The following SZT2 variants were observed in gnomAD, a reference collection of about 807,000 sequenced individuals.
SZT2 encodes the protein SZT2 subunit of KICSTOR complex.
Under a neutral mutation model 404.2 loss-of-function variants are expected in SZT2, and 216 were observed. That is an observed-to-expected ratio of 0.53 (90% CI 0.48 to 0.60). The LOEUF (loss-of-function observed/expected upper bound fraction) is 0.60. Among genes scored for constraint, SZT2 ranks in the 20% least tolerant of loss-of-function variants. The probability of loss-of-function intolerance (pLI) is 0.00; values close to 1 mark genes in which losing one functional copy is unlikely to be tolerated. For synonymous variants in SZT2, 1,693 were observed against 1,749.9 expected (o/e 0.97, Z 0.81); for missense variants, 3,857 against 4,459.2 (o/e 0.86, Z 3.85).
Position 43,416,689 on chromosome 1 carries a change from A to C in SZT2, c.879+48A>C, listed in dbSNP as rs750501691. ...GAGAGAGATATGGAATATCTCACAC[A>C]AAGTTGGGATGGCTGATTACTTTCT... On this transcript the variant is annotated intron_variant, in intron 7 of 71. Transcript: ENST00000634258. 13 of 1,442,884 alleles carry C rather than the reference A, an allele frequency of 9.0e-6. No individual in the cohort carries two copies. The South Asian group carries it at 1.6e-4, about 17-fold the overall frequency. 89.4% of individuals were successfully genotyped at this position (1,442,884 alleles called of 1,614,324 possible). A position where few individuals can be genotyped will look rare whatever the true frequency, so the allele number is the denominator to read the frequency against.
At chr1:43,429,445 G>A (rs1481639855) in intron 28 of SZT2, 1 of 402,604 alleles carries the variant, frequency 2.5e-6, no homozygotes, top group African/African-American at 2.0e-5. Context: ...AGTGGTGATG[G>A]CGCCACTGCA....
In SZT2 at chr1:43,422,818, A is replaced by G; in HGVS notation, c.1972A>G (p.Lys658Glu). The G allele has an allele frequency of 6.3e-7, 1 of 1,594,266 alleles. No individual in the cohort carries two copies. Among genetic ancestry groups the G allele is most frequent in the Non-Finnish European group, 8.5e-7 (1 of 1,178,106 alleles). ...CTTCTACATGGTCCGTATCATTTCC[A>G]AGGCCCCATGCATGGTTCTTCGCCT... ...NSFYMVRIIS[K>E]APCMVLRLGF... The change falls in exon 14 of 72, where the codon AAG becomes GAG. Residue 658 changes from lysine to glutamate, a missense_variant. Transcript: ENST00000634258.
chr1:43,423,295 C>T lies in SZT2; in HGVS notation c.2234C>T (p.Pro745Leu). The change falls in exon 15 of 72, where the codon CCA becomes CTA. Residue 745 changes from proline to leucine, a missense_variant. By Grantham distance (98) the Pro-to-Leu change is moderately conservative. Around this residue, in one of 7 missense-constraint regions of SZT2, gnomAD observed 1,725 missense variants for 1,881.0 expected, o/e 0.92. Transcript: ENST00000634258. ...DRPCLVVLHK[P>L]LDKLLIRYEK... ...CCCTGCCTTGTGGTCCTGCATAAGC[C>T]ACTGGACAAACTGCTCATCAGGTTG... 7 of 1,545,030 alleles carry T rather than the reference C, an allele frequency of 4.5e-6. No individual in the cohort carries two copies. The highest frequency in any genetic ancestry group is 6.1e-6 in the Non-Finnish European group (7 of 1,154,694).
chr1:43,395,513 T>C (rs1648890310), intron 1 of SZT2, among the ~76,000 whole-genome samples: 1 of 152,216 alleles, frequency 6.6e-6, no homozygotes, highest in Non-Finnish European at 1.5e-5. Flanking sequence ...TTGCCCAGGC[T>C]AGTCTCAAAC....
intron 4 of SZT2, chr1:43,410,448 G>C (rs1214259363): frequency 6.6e-6 from 1 of 151,474 alleles, no homozygotes; most frequent in East Asian, 1.9e-4. Context: ...TCAGCTACTC[G>C]GGAGGCTGAG....
Position 43,443,668 on chromosome 1 carries a change from GC to G in SZT2, c.8702del (p.Pro2901ArgfsTer9). The part of the protein sequence containing the change: ...PTSCESLDVS[P>X]PGAREEPWLK... ...CAAGCTGTGAATCCTTGGATGTGTC[GC>G]CCCCGGGAGCCCGTGAGGAGCCTTG... On this transcript the variant is annotated frameshift_variant, in exon 62 of 72. Coordinates refer to ENST00000634258, the MANE Select transcript of SZT2 (RefSeq NM_001365999.1). LOFTEE classifies it high-confidence loss of function. The G allele has an allele frequency of 6.2e-7, 1 of 1,614,198 alleles. No individual in the cohort carries two copies. The highest frequency in any genetic ancestry group is 8.5e-7 in the Non-Finnish European group (1 of 1,180,030).
At chr1:43,433,573 G>T (rs1347407136) in intron 40 of SZT2, among the ~76,000 whole-genome samples, 1 of 152,150 alleles carries the variant, frequency 6.6e-6, no homozygotes, top group Non-Finnish European at 1.5e-5. Flanking sequence ...CTTGAGGTTA[G>T]GAGTTCGATA....
intron 4 of SZT2, among the ~76,000 whole-genome samples, chr1:43,408,905 C>T (rs1347231775): frequency 6.6e-6 from 1 of 152,094 alleles, no homozygotes; most frequent in Non-Finnish European, 1.5e-5. Flanking sequence ...GTAGTTGTTC[C>T]ATGGGGTCAG....
Position 43,433,038 on chromosome 1 carries a change from C to G in SZT2, c.5652C>G (p.Thr1884=), listed in dbSNP as rs1222923201. ...CAGACAGTGAGGGTCCCAATGACAC[C>G]CTTGGTGAGAAGGCCCCCTTCACAT... is the stretch of plus-strand genomic sequence containing the variant. The part of the protein sequence containing the change: ...SGSDSEGPND[T]LGEKAPFTLR... Residue 1884 remains threonine, a synonymous_variant, in exon 40 of 72, where the codon ACC becomes ACG. Coordinates refer to ENST00000634258, the MANE Select transcript of SZT2 (RefSeq NM_001365999.1). 1 of 1,614,082 alleles carries G rather than the reference C, an allele frequency of 6.2e-7. No individual in the cohort carries two copies. The highest frequency in any genetic ancestry group is 1.1e-5 in the South Asian group (1 of 91,080).
chr1:43,450,382 G>A lies in SZT2; in HGVS notation c.10201G>A (p.Asp3401Asn). 6.2e-7 allele frequency: 1 copy of A among 1,614,030 alleles called. No individual in the cohort carries two copies. The highest frequency in any genetic ancestry group is 8.5e-7 in the Non-Finnish European group (1 of 1,179,994). Residue 3401 changes from aspartate (D) to asparagine (N), a missense_variant, in exon 72 of 72, where the codon GAC becomes AAC. Asp to Asn is a conservative substitution (Grantham distance 23). Coordinates refer to ENST00000634258, the MANE Select transcript of SZT2 (RefSeq NM_001365999.1). This position sits in a 1 kb window ranked among gnomAD's most constrained non-coding sequence, Gnocchi z 4.3. The part of the protein sequence containing the change: ...FREPFPVQPQ[D>N]SESPPAQLVS... ...AGAGCCCTTCCCAGTACAGCCCCAG[G>A]ACAGCGAGAGCCCCCCTGCCCAACT... is the stretch of plus-strand genomic sequence containing the variant.
Position 43,442,069 on chromosome 1 carries a change from T to C in SZT2, c.7812T>C (p.Ala2604=). 6.2e-7 allele frequency: 1 copy of C among 1,613,440 alleles called. No individual in the cohort carries two copies. The highest frequency in any genetic ancestry group is 8.5e-7 in the Non-Finnish European group (1 of 1,179,814). ...TGGGCCCCTCTCCCCGCCCTGCAGC[T>C]GAGCGGCATCTGCTGCTTCTGGGAA... is the stretch of plus-strand genomic sequence containing the variant. The part of the protein sequence containing the change: ...GQLGPSPRPA[A]ERHLLLLGRN... Residue 2604 remains alanine (A), a synonymous_variant, in exon 56 of 72, where the codon GCT becomes GCC. Transcript: ENST00000634258. The surrounding 1 kb of genome is among the most constrained non-coding windows in gnomAD (Gnocchi z 4.5).
Position 43,426,026 on chromosome 1 carries a change from C to T in SZT2, c.2930-12C>T. The T allele has an allele frequency of 6.2e-7, 1 of 1,613,874 alleles. No individual in the cohort carries two copies. Among genetic ancestry groups the T allele is most frequent in the East Asian group, 2.2e-5 (1 of 44,862 alleles). On this transcript the variant is annotated splice_polypyrimidine_tract_variant and intron_variant, in intron 20 of 71. Transcript: ENST00000634258. This position sits in a 1 kb window ranked among gnomAD's most constrained non-coding sequence, Gnocchi z 4.9. ...CTGCGTCTCACTGTGTCCTGTCCTT[C>T]CTCCCTCGTAGGATTGGATCAGGGA...
At position 43,451,792 on chromosome 1, in the gene SZT2, A is replaced by C; in HGVS notation, c.*1312A>C. 1 of 1,614,004 alleles carries C rather than the reference A, an allele frequency of 6.2e-7. No individual in the cohort carries two copies. Among genetic ancestry groups the C allele is most frequent in the South Asian group, 1.1e-5 (1 of 91,064 alleles). On this transcript the variant is annotated 3_prime_UTR_variant, in exon 72 of 72. Coordinates refer to ENST00000634258, the MANE Select transcript of SZT2 (RefSeq NM_001365999.1). ...TCCGATCTGCGAAGTACCCCCTTCC[A>C]CTTACCATTTGTAATTGGAGGTTGG...
rs1250641334 is a variant in SZT2, at chr1:43,430,629, T to G, written c.4614T>G (p.Asn1538Lys). The G allele has an allele frequency of 3.7e-6, 6 of 1,613,974 alleles. No homozygotes were observed. The highest frequency in any genetic ancestry group is 5.1e-6 in the Non-Finnish European group (6 of 1,180,018). ...CGCTGTCAGACGTAGACACTGTGAA[T>G]CCTGATGAAGACTCCTTCAGTATCT... ...SASLSDVDTV[N>K]PDEDSFSILG... The change falls in exon 32 of 72, where the codon AAT becomes AAG. Residue 1538 changes from asparagine to lysine, a missense_variant. This residue lies in a region of SZT2 where 1,725 missense variants were observed against 1,881.0 expected (regional missense o/e 0.92). Coordinates refer to ENST00000634258, the MANE Select transcript of SZT2 (RefSeq NM_001365999.1).
chr1:43,416,917 T>G (rs965923837), intron 7 of SZT2, among the ~76,000 whole-genome samples: 4 of 152,210 alleles, frequency 2.6e-5, no homozygotes, highest in East Asian at 1.9e-4. Context: ...CCTTGTAGAT[T>G]AGTCATTATT....
intron 7 of SZT2, among the ~76,000 whole-genome samples, chr1:43,418,593 TGTG>T (rs1328454557): frequency 6.6e-6 from 1 of 152,194 alleles, no homozygotes; most frequent in African/African-American, 2.4e-5. Flanking sequence ...TATGTTTTGA[TGTG>T]GTGCCAACCT....
Position 43,439,834 on chromosome 1 carries a change from A to G in SZT2, c.7043-47A>G, listed in dbSNP as rs748533978. On this transcript the variant is annotated intron_variant, in intron 50 of 71. Transcript: ENST00000634258. The surrounding 1 kb of genome is among the most constrained non-coding windows in gnomAD (Gnocchi z 4.2). ...GCTGTGGGAGGTAAGGGTGGTGAGTAGAGTGGGATCTAGGGACACCCTCAA... is the reference window on the plus strand; with the variant it reads ...GCTGTGGGAGGTAAGGGTGGTGAGTGGAGTGGGATCTAGGGACACCCTCAA... 1.9e-6 allele frequency: 3 copies of G among 1,564,124 alleles called. No homozygotes were observed. The highest frequency in any genetic ancestry group is 1.8e-5 in the Admixed American group (1 of 55,404).
chr1:43,439,082 A>C lies in SZT2; in HGVS notation c.6781A>C (p.Asn2261His), dbSNP rs1373812596. The C allele has an allele frequency of 1.2e-6, 2 of 1,614,072 alleles. No individual in the cohort carries two copies. Among genetic ancestry groups the C allele is most frequent in the Admixed American group, 3.3e-5 (2 of 60,008 alleles). The change falls in exon 48 of 72, where the codon AAC becomes CAC. Residue 2261 changes from asparagine to histidine, a missense_variant. Physicochemically the swap from Asn to His is moderately conservative, Grantham distance 68. Coordinates refer to ENST00000634258, the MANE Select transcript of SZT2 (RefSeq NM_001365999.1). This position sits in a 1 kb window ranked among gnomAD's most constrained non-coding sequence, Gnocchi z 4.2. The part of the protein sequence containing the change: ...SPKYTDSNSR[N>H]HFQHPLPPQG... ...CAAGTACACAGATAGCAACAGCCGG[A>C]ACCACTTCCAAGTGAGATGGCACTC...
intron 1 of SZT2, among the ~76,000 whole-genome samples, chr1:43,398,783 G>A (rs914844510): frequency 6.6e-6 from 1 of 152,132 alleles, no homozygotes; most frequent in Non-Finnish European, 1.5e-5. Flanking sequence ...AGCTAACTTA[G>A]AAATCATTTT....
Sources: gnomAD v4.1 joint callset for allele counts (sites outside exome capture counted in the v4.1 genomes callset) on GRCh38, gnomAD v4.1.1 for gene constraint, gnomAD v4.1.1 regional missense constraint, Gnocchi (gnomAD v3.1) non-coding constraint, MANE v1.5 for transcripts, NCBI Gene and HGNC (gene_info 2026-07-23, HGNC 2026-07-21) for gene names.